Variants in KMT2A observed in about 807,000 individuals in gnomAD.
KMT2A encodes the protein histone-lysine N-methyltransferase 2A.
Under a neutral mutation model 345.3 loss-of-function variants are expected in KMT2A, and 16 were observed. The observed-to-expected ratio is 0.05, with a 90% CI of 0.03 to 0.07. The LOEUF (loss-of-function observed/expected upper bound fraction) is 0.07, where lower values mean the gene tolerates loss of function less well. KMT2A is among the 10% of genes least tolerant of loss of function. KMT2A has a pLI of 1.00. For missense variants in KMT2A, 3,272 were observed against 4,841.6 expected, an observed-to-expected ratio of 0.68 and a Z score of 9.62; for synonymous variants, 1,599 against 1,778.6, an observed-to-expected ratio of 0.90 and a Z score of 2.54.
Position 118,473,437 on chromosome 11 carries a change from G to C in KMT2A, c.2278G>C (p.Gly760Arg), listed in dbSNP as rs2134267169. ...SPSHSMRTRS[G>R]RLSSSELSPL... ...TTCTCACTCCATGAGGACAAGAAGT[G>C]GAAGGCTTAGTAGTTCTGAGCTCTC... Residue 760 changes from glycine (G) to arginine (R), a missense_variant, in exon 3 of 36, where the codon GGA becomes CGA. By Grantham distance (125) the Gly-to-Arg change is moderately radical. This residue lies in a region of KMT2A where 209 missense variants were observed against 237.4 expected (regional missense o/e 0.88). Transcript: ENST00000534358. This position sits in a 1 kb window ranked among gnomAD's most constrained non-coding sequence, Gnocchi z 5.2. The C allele has an allele frequency of 6.2e-7, 1 of 1,614,184 alleles. No homozygotes were observed. Among genetic ancestry groups the C allele is most frequent in the Non-Finnish European group, 8.5e-7 (1 of 1,180,030 alleles).
intron 5 of KMT2A, among the ~76,000 whole-genome samples, chr11:118,478,567 A>G (rs1555038262): frequency 6.6e-6 from 1 of 152,216 alleles, no homozygotes; most frequent in Admixed American, 6.5e-5. Flanking sequence ...ATGTGTAACT[A>G]GTGGCTACCA....
At chr11:118,501,570 C>G (rs1218868314) in intron 25 of KMT2A, 102 bp from the exon 26 acceptor site, 52 of 946,456 alleles carry the variant, frequency 5.5e-5, no homozygotes, top group Non-Finnish European at 8.1e-5. Flanking sequence ...GTCTCATTTG[C>G]TTCTAGTTTT....
rs1555043163 is a variant in KMT2A at position 118,493,521 on chromosome 11, G to A, written c.5178+291G>A. On this transcript the variant is annotated intron_variant, in intron 16 of 35. Coordinates refer to ENST00000534358, the MANE Select transcript of KMT2A (RefSeq NM_001197104.2). The surrounding 1 kb of genome is among the most constrained non-coding windows in gnomAD (Gnocchi z 5.8). Reference sequence around the variant, plus strand: ...GGAAGCACTAAGAAACTGTTGATGTGGGAAATGCTAATATGAAATTAATTG... The same window carrying A: ...GGAAGCACTAAGAAACTGTTGATGTAGGAAATGCTAATATGAAATTAATTG... Among the ~76,000 whole-genome samples, 1 of 152,036 alleles carries A rather than the reference G, an allele frequency of 6.6e-6. No homozygotes were observed. The highest frequency in any genetic ancestry group is 1.9e-4 in the East Asian group (1 of 5,198).
At chr11:118,508,926 A>T (rs1950636171) in intron 28 of KMT2A, among the ~76,000 whole-genome samples, 1 of 152,182 alleles carries the variant, frequency 6.6e-6, no homozygotes, top group African/African-American at 2.4e-5. Flanking sequence ...TAATGTCAGT[A>T]TTTGGTAAAG....
At chr11:118,499,495 G>C in intron 23 of KMT2A, 75 bp downstream of exon 23, 2 of 984,372 alleles carry the variant, frequency 2.0e-6, no homozygotes, top group Non-Finnish European at 3.3e-6. Flanking sequence ...GTTATAAAAT[G>C]ACCCTCAGCC....
chr11:118,476,397 G>C lies in KMT2A; in HGVS notation c.3157-408G>C, dbSNP rs1950038581. On this transcript the variant is annotated intron_variant, in intron 3 of 35. Transcript: ENST00000534358. The surrounding 1 kb of genome is among the most constrained non-coding windows in gnomAD (Gnocchi z 4.1). Reference sequence around the variant, plus strand: ...AGCTTAGTTGTTTGTTTGTTTTTAAGATAGGGTCTCACTCTGTCACCCAGG... The same window carrying C: ...AGCTTAGTTGTTTGTTTGTTTTTAACATAGGGTCTCACTCTGTCACCCAGG... Among the ~76,000 whole-genome samples the C allele has an allele frequency of 6.6e-6, 1 of 152,098 alleles. No individual in the cohort carries two copies. The highest frequency in any genetic ancestry group is 1.5e-5 in the Non-Finnish European group (1 of 68,004).
At chr11:118,464,624 A>C (rs1426258326) in intron 1 of KMT2A, among the ~76,000 whole-genome samples, 9 of 152,174 alleles carry the variant, frequency 5.9e-5, no homozygotes, top group African/African-American at 2.2e-4. Flanking sequence ...GCTGCAGACA[A>C]GTGTAGAGCA....
chr11:118,464,039 C>G (rs1345518805), intron 1 of KMT2A, among the ~76,000 whole-genome samples: 1 of 152,018 alleles, frequency 6.6e-6, no homozygotes, highest in Non-Finnish European at 1.5e-5. Context: ...GGGACAATGC[C>G]CCAAATAAAT....
At position 118,505,608 on chromosome 11, in the gene KMT2A, C is replaced by T. The variant is rs1085307488; in HGVS notation, c.9716C>T (p.Pro3239Leu). The change falls in exon 27 of 36, where the codon CCC becomes CTC. Residue 3239 changes from proline (P) to leucine (L), a missense_variant. By Grantham distance (98) the Pro-to-Leu change is moderately conservative. Around this residue, in one of 27 missense-constraint regions of KMT2A, gnomAD observed 748 missense variants for 922.2 expected, o/e 0.81. Coordinates refer to ENST00000534358, the MANE Select transcript of KMT2A (RefSeq NM_001197104.2). The surrounding 1 kb of genome is among the most constrained non-coding windows in gnomAD (Gnocchi z 4.6). Reference sequence around the variant, plus strand: ...ACCCGAAAGAATAAAAAACTTGCTCCCTCTAGTACCCCTTCAAACATTGCC... The same window carrying T: ...ACCCGAAAGAATAAAAAACTTGCTCTCTCTAGTACCCCTTCAAACATTGCC... Reference protein sequence around the residue: ...LQTRKNKKLAPSSTPSNIAPS... With the variant: ...LQTRKNKKLALSSTPSNIAPS... 1 of 1,614,016 alleles carries T rather than the reference C, an allele frequency of 6.2e-7. No homozygotes were observed. The highest frequency in any genetic ancestry group is 8.5e-7 in the Non-Finnish European group (1 of 1,180,030).
At chr11:118,489,696 C>T in intron 11 of KMT2A, 96 bp from the exon 12 acceptor site, 2 of 932,226 alleles carry the variant, frequency 2.1e-6, no homozygotes, top group South Asian at 2.8e-5. Flanking sequence ...GTGTGCTGTA[C>T]TTACTTGCCA....
At position 118,473,473 on chromosome 11, in the gene KMT2A, C is replaced by A. The variant is rs1555036466; in HGVS notation, c.2314C>A (p.Pro772Thr). 1.2e-6 allele frequency: 2 copies of A among 1,614,190 alleles called. No individual in the cohort carries two copies. The highest frequency in any genetic ancestry group is 1.7e-6 in the Non-Finnish European group (2 of 1,180,044). ...LSSSELSPLTPPSSVSSSLSI... is the reference protein window; with the variant it reads ...LSSSELSPLTTPSSVSSSLSI... ...TAGTTCTGAGCTCTCACCTCTCACC[C>A]CCCCGTCTTCTGTCTCTTCCTCGTT... Residue 772 changes from proline to threonine, a missense_variant, in exon 3 of 36, where the codon CCC becomes ACC. Transcript: ENST00000534358. The surrounding 1 kb of genome is among the most constrained non-coding windows in gnomAD (Gnocchi z 5.2).
chr11:118,492,090 C>T (rs573544692), intron 15 of KMT2A, among the ~76,000 whole-genome samples, 162 bp downstream of exon 15: 42 of 152,264 alleles, frequency 2.8e-4, no homozygotes, highest in Middle Eastern at 3.4e-3. Context: ...CCTTCTTTAG[C>T]GTAAGAAATA....
At chr11:118,448,206 G>A (rs1204497633) in intron 1 of KMT2A, 2 of 152,312 alleles carry the variant, frequency 1.3e-5, no homozygotes, top group Non-Finnish European at 2.9e-5. Context: ...AAAACAGTAG[G>A]TGTGGTATCA....
In KMT2A at chr11:118,503,563, T is replaced by G; in HGVS notation, c.7671T>G (p.Ser2557=). 6.2e-7 allele frequency: 1 copy of G among 1,614,082 alleles called. No homozygotes were observed. The highest frequency in any genetic ancestry group is 8.5e-7 in the Non-Finnish European group (1 of 1,179,994). Residue 2557 remains serine, a synonymous_variant, in exon 27 of 36, where the codon TCT becomes TCG. Coordinates refer to ENST00000534358, the MANE Select transcript of KMT2A (RefSeq NM_001197104.2). The surrounding 1 kb of genome is among the most constrained non-coding windows in gnomAD (Gnocchi z 5.3). ...PASPLQIEST[S]PTEPISASEN... ...CCCCTTTGCAAATAGAGTCAACATC[T>G]CCCACAGAACCAATTTCAGCCTCTG... is the stretch of plus-strand genomic sequence containing the variant.
chr11:118,452,469 C>T (rs957794409), intron 1 of KMT2A, among the ~76,000 whole-genome samples: 1 of 152,070 alleles, frequency 6.6e-6, no homozygotes, highest in Admixed American at 6.5e-5. Context: ...GAATAGGAGG[C>T]TGCCGTGAGG....
At chr11:118,518,857 C>T (rs565503838) in intron 31 of KMT2A, among the ~76,000 whole-genome samples, 3 of 149,444 alleles carry the variant, frequency 2.0e-5, no homozygotes, top group East Asian at 3.9e-4. Context: ...GCGGGTGGAT[C>T]ACGAGGTCAG....
At position 118,521,890 on chromosome 11, in the gene KMT2A, T is replaced by C. The variant is rs782281934; in HGVS notation, c.11644-7T>C. 9 of 1,607,608 alleles carry C rather than the reference T, an allele frequency of 5.6e-6. No homozygotes were observed. The highest frequency in any genetic ancestry group is 1.7e-4 in the Middle Eastern group (1 of 5,972). On this transcript the variant is annotated splice_region_variant and splice_polypyrimidine_tract_variant and intron_variant, in intron 35 of 35. Coordinates refer to ENST00000534358, the MANE Select transcript of KMT2A (RefSeq NM_001197104.2). The surrounding 1 kb of genome is among the most constrained non-coding windows in gnomAD (Gnocchi z 5.3). ...ACAAGTTCTTCTCCCTTCTTCTGCA[T>C]GTGCAGGGCATTGGTTGCTATATGT...
chr11:118,445,049 G>A (rs1949390354), intron 1 of KMT2A, among the ~76,000 whole-genome samples: 1 of 152,120 alleles, frequency 6.6e-6, no homozygotes, highest in Non-Finnish European at 1.5e-5. Flanking sequence ...AAGGAGAGCA[G>A]GGTTATAATC....
chr11:118,460,895 G>C (rs1419029541), intron 1 of KMT2A, among the ~76,000 whole-genome samples: 5 of 152,220 alleles, frequency 3.3e-5, no homozygotes, highest in African/African-American at 1.2e-4. Flanking sequence ...CACACTGCCT[G>C]TCTGCCTTAG....
Sources: allele counts gnomAD v4.1 joint callset (sites outside exome capture counted in the v4.1 genomes callset), GRCh38; gene constraint gnomAD v4.1.1; regional missense constraint gnomAD v4.1.1; non-coding constraint Gnocchi (gnomAD v3.1); transcripts MANE v1.5; gene names NCBI Gene and HGNC (gene_info 2026-07-23, HGNC 2026-07-21).